RIMBP2: variants seen among roughly 807,000 people sequenced by gnomAD.
The protein encoded by RIMBP2 is RIMS binding protein 2.
Under a neutral mutation model 118.6 loss-of-function variants are expected in RIMBP2, and 48 were observed. The observed-to-expected ratio is 0.40, with a 90% CI of 0.32 to 0.51. The LOEUF (loss-of-function observed/expected upper bound fraction) is 0.51, where lower values mean the gene tolerates loss of function less well. Ranked by LOEUF, RIMBP2 falls within the 20% of genes least tolerant of loss-of-function variation. The probability of loss-of-function intolerance (pLI) is 0.41; values close to 1 mark genes in which losing one functional copy is unlikely to be tolerated. For synonymous variants in RIMBP2, 762 were observed against 742.9 expected (o/e 1.03, Z -0.42); for missense variants, 1,551 against 1,768.3 (o/e 0.88, Z 2.20).
intron 7 of RIMBP2, among the ~76,000 whole-genome samples, chr12:130,454,162 T>C (rs147356798): frequency 6.6e-6 from 1 of 152,222 alleles, no homozygotes; most frequent in Non-Finnish European, 1.5e-5. Context: ...CACGTGAGGA[T>C]GTGGATAGGA....
At chr12:130,634,920 A>G (rs1386531801) in intron 1 of RIMBP2, among the ~76,000 whole-genome samples, 1 of 151,908 alleles carries the variant, frequency 6.6e-6, no homozygotes, top group East Asian at 1.9e-4. Context: ...TAAACAAATC[A>G]TTTTCTGTTT....
chr12:130,711,115 C>A (rs746690913), intron 1 of RIMBP2, among the ~76,000 whole-genome samples: 1 of 152,160 alleles, frequency 6.6e-6, no homozygotes, highest in African/African-American at 2.4e-5. Context: ...TGGTAGCCCA[C>A]GCCTGTAATC....
At chr12:130,439,481 G>A (rs1322761323) in intron 11 of RIMBP2, among the ~76,000 whole-genome samples, 3 of 149,032 alleles carry the variant, frequency 2.0e-5, no homozygotes, top group Non-Finnish European at 4.5e-5. Context: ...TTGTGTATGT[G>A]TGTGTATGTG....
At chr12:130,438,564 C>A (rs1390231045) in intron 11 of RIMBP2, 48 bp from the exon 12 acceptor site, 9 of 1,489,628 alleles carry the variant, frequency 6.0e-6, no homozygotes, top group South Asian at 2.7e-5. Flanking sequence ...CCAGCCCTGG[C>A]AGGTGAGCCG....
intron 1 of RIMBP2, among the ~76,000 whole-genome samples, chr12:130,715,796 C>T (rs1950287902): frequency 1.3e-5 from 2 of 152,040 alleles, no homozygotes; most frequent in South Asian, 4.2e-4. Flanking sequence ...AGTCCAGGCC[C>T]TGAGCCGCTG....
chr12:130,451,613 GGA>G (rs2079019329), intron 7 of RIMBP2, among the ~76,000 whole-genome samples: 1 of 152,212 alleles, frequency 6.6e-6, no homozygotes, highest in Admixed American at 6.5e-5. Context: ...GGGAACTAAA[GGA>G]GAGTTGATGG....
At chr12:130,676,675 C>T (rs2064501329) in intron 1 of RIMBP2, among the ~76,000 whole-genome samples, 2 of 152,042 alleles carry the variant, frequency 1.3e-5, no homozygotes, top group African/African-American at 2.4e-5. Flanking sequence ...CACATCCATA[C>T]AGTGGAATAT....
intron 1 of RIMBP2, among the ~76,000 whole-genome samples, chr12:130,645,150 C>T (rs562200228): frequency 9.7e-4 from 146 of 150,678 alleles, no homozygotes; most frequent in Admixed American, 2.3e-3. Context: ...AGTGCAGTGG[C>T]GCAATCTTGG....
chr12:130,409,863 G>GT (rs1169508912), intron 19 of RIMBP2, among the ~76,000 whole-genome samples: 7 of 152,210 alleles, frequency 4.6e-5, no homozygotes, highest in Non-Finnish European at 2.9e-5. Context: ...TTCATGTACA[G>GT]TTTTTTTGTG....
chr12:130,566,026 T>C (rs992447807), intron 2 of RIMBP2, among the ~76,000 whole-genome samples: 26 of 152,368 alleles, frequency 1.7e-4, no homozygotes, highest in Non-Finnish European at 4.4e-5. Flanking sequence ...AACTATGCGA[T>C]GGAACTTGTC....
chr12:130,561,023 A>G (rs1263983930), intron 2 of RIMBP2, among the ~76,000 whole-genome samples: 1 of 152,236 alleles, frequency 6.6e-6, no homozygotes, highest in East Asian at 1.9e-4. Context: ...ATGTGAGCAC[A>G]CAGAGACAGA....
In RIMBP2 at chr12:130,623,249, C is replaced by G. The variant is rs1211746022; in HGVS notation, c.-217+5073G>C. Among the ~76,000 whole-genome samples, 1 of 152,146 alleles carries G rather than the reference C, an allele frequency of 6.6e-6. No homozygotes were observed. Among genetic ancestry groups the G allele is most frequent in the Non-Finnish European group, 1.5e-5 (1 of 68,018 alleles). On this transcript the variant is annotated intron_variant, in intron 2 of 22. Transcript: ENST00000690449. This position sits in a 1 kb window ranked among gnomAD's most constrained non-coding sequence, Gnocchi z 4.1. ...ATTTCAACACTTATACAAATAGAAG[C>G]ACTTTTATTTTACTTTAAGTTCTTG...
intron 1 of RIMBP2, among the ~76,000 whole-genome samples, chr12:130,664,014 A>G (rs898544010): frequency 4.9e-4 from 54 of 111,018 alleles, no homozygotes; most frequent in Non-Finnish European, 8.1e-4. Flanking sequence ...TTTCCAGGCT[A>G]TATTGTGGGT....
At chr12:130,589,530 G>A (rs1453853479) in intron 2 of RIMBP2, among the ~76,000 whole-genome samples, 2 of 152,146 alleles carry the variant, frequency 1.3e-5, no homozygotes, top group African/African-American at 2.4e-5. Flanking sequence ...ATGGCTTCCA[G>A]TCCTGCCACA....
At chr12:130,569,851 T>C (rs1232332790) in intron 2 of RIMBP2, among the ~76,000 whole-genome samples, 1 of 152,208 alleles carries the variant, frequency 6.6e-6, no homozygotes, top group East Asian at 1.9e-4. Flanking sequence ...CTCAGGTATT[T>C]CTTTACAGTA....
At chr12:130,678,716 C>T (rs1024174230) in intron 1 of RIMBP2, among the ~76,000 whole-genome samples, 1 of 152,308 alleles carries the variant, frequency 6.6e-6, no homozygotes, top group South Asian at 2.1e-4. Context: ...CGGGGTTTCA[C>T]CATCTTGGCC....
In RIMBP2 at chr12:130,621,253, A is replaced by T. The variant is rs1052885821; in HGVS notation, c.-217+7069T>A. Reference sequence around the variant, plus strand: ...CCAGGTGGATCCTCCCCATGAGAGAAAAGCAGGGGGCACGTGCCATGGTCG... The same window carrying T: ...CCAGGTGGATCCTCCCCATGAGAGATAAGCAGGGGGCACGTGCCATGGTCG... On this transcript the variant is annotated intron_variant, in intron 2 of 22. Transcript: ENST00000690449. The surrounding 1 kb of genome is among the most constrained non-coding windows in gnomAD (Gnocchi z 6.6). Among the ~76,000 whole-genome samples, 2 of 152,136 alleles carry T rather than the reference A, an allele frequency of 1.3e-5. No individual in the cohort carries two copies. The highest frequency in any genetic ancestry group is 4.8e-5 in the African/African-American group (2 of 41,440).
At chr12:130,401,526 G>T (rs1248129409) in intron 21 of RIMBP2, among the ~76,000 whole-genome samples, 2 of 151,702 alleles carry the variant, frequency 1.3e-5, no homozygotes, top group Non-Finnish European at 2.9e-5. Flanking sequence ...CACACTCACT[G>T]CCCTGCCCCG....
intron 1 of RIMBP2, among the ~76,000 whole-genome samples, chr12:130,697,769 C>T (rs2136721707): frequency 6.6e-6 from 1 of 152,262 alleles, no homozygotes; most frequent in East Asian, 1.9e-4. Context: ...CAGCAATGAG[C>T]TATGATTGCA....
Sources: allele counts gnomAD v4.1 joint callset (sites outside exome capture counted in the v4.1 genomes callset), GRCh38; gene constraint gnomAD v4.1.1; non-coding constraint Gnocchi (gnomAD v3.1); transcripts MANE v1.5; gene names NCBI Gene and HGNC (gene_info 2026-07-23, HGNC 2026-07-21).